SOX5: variants seen among roughly 807,000 people sequenced by gnomAD.
The protein encoded by SOX5 is SRY-box transcription factor 5.
A neutral mutation model predicts 92.0 loss-of-function variants in SOX5; 9 were observed. The observed-to-expected ratio is 0.10, with a 90% CI of 0.06 to 0.17. The LOEUF (loss-of-function observed/expected upper bound fraction) is 0.17. Ranked by LOEUF, SOX5 falls within the 10% of genes least tolerant of loss-of-function variation. The pLI is 1.00. For missense variants in SOX5, 642 were observed against 944.5 expected (o/e 0.68, Z 4.20); for synonymous variants, 344 against 336.3 (o/e 1.02, Z -0.25).
chr12:23,991,442 T>G (rs1219013063), intron 4 of SOX5, among the ~76,000 whole-genome samples: 2 of 151,892 alleles, frequency 1.3e-5, no homozygotes, highest in Non-Finnish European at 2.9e-5. Flanking sequence ...TGCAGTAAAA[T>G]ATATTATTTA....
At chr12:24,547,378 A>G (rs1377631485) in intron 1 of SOX5, among the ~76,000 whole-genome samples, 1 of 151,162 alleles carries the variant, frequency 6.6e-6, no homozygotes, top group African/African-American at 2.4e-5. Context: ...TTTTTAGTAG[A>G]GACGGGGTTT....
chr12:23,608,864 T>A (rs1465934220), intron 8 of SOX5, among the ~76,000 whole-genome samples: 1 of 152,172 alleles, frequency 6.6e-6, no homozygotes, highest in Non-Finnish European at 1.5e-5. Context: ...GCAACATATA[T>A]GTGCTGACTC....
intron 4 of SOX5, among the ~76,000 whole-genome samples, chr12:24,107,199 A>G (rs1946789525): frequency 6.6e-6 from 1 of 152,186 alleles, no homozygotes; most frequent in Non-Finnish European, 1.5e-5. Context: ...CATGACAACA[A>G]GCTCTTACAA....
intron 4 of SOX5, among the ~76,000 whole-genome samples, chr12:23,972,589 C>A (rs1315872906): frequency 6.6e-6 from 1 of 152,054 alleles, no homozygotes; most frequent in African/African-American, 2.4e-5. Flanking sequence ...GAACTCCTAA[C>A]CTCAGGTGAT....
At chr12:23,811,844 C>A (rs1022112413) in intron 3 of SOX5, among the ~76,000 whole-genome samples, 2 of 151,948 alleles carry the variant, frequency 1.3e-5, no homozygotes, top group African/African-American at 2.4e-5. Flanking sequence ...TAAAAATAAG[C>A]CTAATTTGTA....
At chr12:24,434,300 A>G (rs550986244) in intron 1 of SOX5, among the ~76,000 whole-genome samples, 2 of 152,000 alleles carry the variant, frequency 1.3e-5, no homozygotes, top group Admixed American at 1.3e-4. Context: ...TAGAGAAGAA[A>G]CTCATAGAGT....
intron 8 of SOX5, among the ~76,000 whole-genome samples, chr12:23,616,166 A>G (rs1378181450): frequency 6.6e-6 from 1 of 152,170 alleles, no homozygotes; most frequent in Non-Finnish European, 1.5e-5. Flanking sequence ...ACTTTCATTA[A>G]CCACTAAGGT....
chr12:23,997,653 ATCTGAACTT>A (rs1207306478), intron 4 of SOX5, among the ~76,000 whole-genome samples: 1 of 152,194 alleles, frequency 6.6e-6, no homozygotes, highest in Admixed American at 6.5e-5. Flanking sequence ...TTCATAAACT[ATCTGAACTT>A]TCAATGTGTT....
At chr12:23,866,660 C>A (rs753485073) in intron 2 of SOX5, among the ~76,000 whole-genome samples, 6 of 152,108 alleles carry the variant, frequency 3.9e-5, no homozygotes, top group Non-Finnish European at 8.8e-5. Flanking sequence ...TTTTTAATAA[C>A]CTCCTCAATA....
At chr12:23,619,953 A>G (rs888940074) in intron 8 of SOX5, among the ~76,000 whole-genome samples, 2 of 152,186 alleles carry the variant, frequency 1.3e-5, no homozygotes, top group African/African-American at 4.8e-5. Context: ...GAGCTTACAT[A>G]GAACAAGAAA....
chr12:24,452,771 A>G (rs1942498241), intron 1 of SOX5, among the ~76,000 whole-genome samples: 1 of 152,194 alleles, frequency 6.6e-6, no homozygotes, highest in African/African-American at 2.4e-5. Flanking sequence ...CTTACCAAGG[A>G]CCTCAAAATT....
intron 2 of SOX5, among the ~76,000 whole-genome samples, chr12:23,859,256 A>G (rs2096727860): frequency 6.6e-6 from 1 of 152,156 alleles, no homozygotes; most frequent in Non-Finnish European, 1.5e-5. Flanking sequence ...TAGGAGAACT[A>G]TCACTGAATT....
At chr12:23,913,479 T>C (rs1042870289) in intron 1 of SOX5, among the ~76,000 whole-genome samples, 20 of 152,166 alleles carry the variant, frequency 1.3e-4, no homozygotes, top group South Asian at 2.1e-4. Context: ...GGCTCATGCC[T>C]GTAATCCCAG....
intron 7 of SOX5, among the ~76,000 whole-genome samples, chr12:23,662,246 T>A (rs2139344755): frequency 6.6e-6 from 1 of 152,168 alleles, no homozygotes; most frequent in South Asian, 2.1e-4. Context: ...TCCTCAAGTA[T>A]TTTTAGGATT....
chr12:24,475,069 A>G (rs958177082), intron 1 of SOX5, among the ~76,000 whole-genome samples: 3 of 151,928 alleles, frequency 2.0e-5, no homozygotes, highest in African/African-American at 7.3e-5. Flanking sequence ...TAAGCTGGTC[A>G]TGAATTCCTG....
At chr12:23,589,019 T>C (rs2137072901) in intron 9 of SOX5, among the ~76,000 whole-genome samples, 1 of 152,062 alleles carries the variant, frequency 6.6e-6, no homozygotes. Context: ...TCTAGGTTTG[T>C]ATAAGTACAT....
At chr12:24,391,627 T>C (rs1959004966) in intron 1 of SOX5, among the ~76,000 whole-genome samples, 1 of 152,176 alleles carries the variant, frequency 6.6e-6, no homozygotes, top group Non-Finnish European at 1.5e-5. Context: ...TTATGATATA[T>C]TATGAATCTA....
intron 4 of SOX5, among the ~76,000 whole-genome samples, chr12:24,004,315 A>G (rs907085401): frequency 1.3e-5 from 2 of 152,012 alleles, no homozygotes; most frequent in African/African-American, 4.8e-5. Context: ...TCTCAAAAAA[A>G]AAAACACAAG....
At chr12:23,855,433 C>G (rs1297362270) in intron 2 of SOX5, among the ~76,000 whole-genome samples, 1 of 151,882 alleles carries the variant, frequency 6.6e-6, no homozygotes, top group Non-Finnish European at 1.5e-5. Flanking sequence ...AAAAGATGTT[C>G]AGTTACTACT....
Sources: gnomAD v4.1 joint callset for allele counts (sites outside exome capture counted in the v4.1 genomes callset) on GRCh38, gnomAD v4.1.1 for gene constraint, MANE v1.5 for transcripts, NCBI Gene and HGNC (gene_info 2026-07-23, HGNC 2026-07-21) for gene names.